Variants in PTPRJ observed in about 807,000 individuals in gnomAD.
PTPRJ encodes protein tyrosine phosphatase receptor type J.
In PTPRJ, 129 loss-of-function variants were observed where a neutral mutation model predicts 141.3. The ratio of observed to expected loss-of-function variants is 0.91; its 90% CI spans 0.79 to 1.06. PTPRJ has a LOEUF of 1.06. Ranked by LOEUF, PTPRJ falls within the 50% of genes least tolerant of loss-of-function variation. The pLI, the probability that PTPRJ is intolerant of heterozygous loss-of-function variation, is 0.00. For missense variants in PTPRJ, 1,601 were observed against 1,679.7 expected, an observed-to-expected ratio of 0.95 and a Z score of 0.82; for synonymous variants, 610 against 640.5, an observed-to-expected ratio of 0.95 and a Z score of 0.72.
intron 1 of PTPRJ, among the ~76,000 whole-genome samples, chr11:48,026,526 G>C (rs1853814878): frequency 6.6e-6 from 1 of 151,200 alleles, no homozygotes; most frequent in Non-Finnish European, 1.5e-5. Flanking sequence ...TTATTGCCCA[G>C]GCTGGAGTGC....
chr11:48,104,586 C>G (rs564096694), intron 1 of PTPRJ, among the ~76,000 whole-genome samples: 1 of 152,198 alleles, frequency 6.6e-6, no homozygotes, highest in African/African-American at 2.4e-5. Context: ...CTTAAAAGCC[C>G]AACGTGGATA....
At chr11:48,013,162 T>C (rs557061471) in intron 1 of PTPRJ, among the ~76,000 whole-genome samples, 2 of 149,402 alleles carry the variant, frequency 1.3e-5, no homozygotes, top group East Asian at 3.9e-4. Flanking sequence ...GGACTGAGGG[T>C]AACATGAGGG....
rs10599361 is a variant in PTPRJ, at chr11:48,126,775, A to AACACACAC, written c.1094-967_1094-960dup. On this transcript the variant is annotated intron_variant, in intron 6 of 24. Coordinates refer to ENST00000418331, the MANE Select transcript of PTPRJ (RefSeq NM_002843.4). Reference sequence around the variant, plus strand: ...GGGACAGAAACATTCAGTCTGTTGCAACACACACACACACACACACACACA... The same window carrying AACACACAC: ...GGGACAGAAACATTCAGTCTGTTGCAACACACACACACACACACACACACACACACACA... Among the ~76,000 whole-genome samples, 550 of 137,220 alleles carry AACACACAC rather than the reference A, an allele frequency of 4.0e-3. 4 individuals carry two copies. Among genetic ancestry groups the AACACACAC allele is most frequent in the African/African-American group, 0.013 (477 of 36,418 alleles). 90.0% of individuals were successfully genotyped at this position (137,220 alleles called of 152,430 possible).
At chr11:48,137,393 A>T in intron 10 of PTPRJ, 112 bp downstream of exon 10, 1 of 1,213,920 alleles carries the variant, frequency 8.2e-7, no homozygotes, top group Non-Finnish European at 1.1e-6. Context: ...GCAGTGATGG[A>T]CATTGAGCTT....
chr11:48,111,208 A>G (rs1215063722), intron 2 of PTPRJ, among the ~76,000 whole-genome samples: 3 of 142,288 alleles, frequency 2.1e-5, no homozygotes, highest in Non-Finnish European at 4.5e-5. Flanking sequence ...TGAGCCTGAG[A>G]GGTGGAGGCT....
At chr11:48,155,652 G>A in intron 19 of PTPRJ, 149 bp from the exon 20 acceptor site, 1 of 638,456 alleles carries the variant, frequency 1.6e-6, no homozygotes, top group Non-Finnish European at 2.7e-6. Context: ...GATTAAATGA[G>A]GTGGTCTATA....
chr11:47,980,594 G>T lies in PTPRJ; in HGVS notation c.-319G>T. 2 of 983,230 alleles carry T rather than the reference G, an allele frequency of 2.0e-6. No homozygotes were observed. Among genetic ancestry groups the T allele is most frequent in the Non-Finnish European group, 2.4e-6 (2 of 829,256 alleles). The allele number at this position is 983,230 out of a possible 1,614,324, so 60.9% of individuals were successfully genotyped here. A position where few individuals can be genotyped will look rare whatever the true frequency, so the allele number is the denominator to read the frequency against. On this transcript the variant is annotated 5_prime_UTR_variant, in exon 1 of 25. Coordinates refer to ENST00000418331, the MANE Select transcript of PTPRJ (RefSeq NM_002843.4). ...GCATGACGCGCGGAGGAGGCAGCGG[G>T]AGCAGCCGCGGGAGCCGGGACCGGG... is the stretch of plus-strand genomic sequence containing the variant.
At chr11:48,023,563 C>T (rs922277277) in intron 1 of PTPRJ, among the ~76,000 whole-genome samples, 2 of 152,056 alleles carry the variant, frequency 1.3e-5, no homozygotes, top group Non-Finnish European at 2.9e-5. Flanking sequence ...GCAGGCCAAT[C>T]GTGAGGTCAG....
In PTPRJ at chr11:47,992,538, T is replaced by G. The variant is rs143512173; in HGVS notation, c.96+11530T>G. ...AGGCGAATCAGTGGAGTCCTCCAGT[T>G]TGGTTCACACATAATTATTAGGTTG... On this transcript the variant is annotated intron_variant, in intron 1 of 24. Coordinates refer to ENST00000418331, the MANE Select transcript of PTPRJ (RefSeq NM_002843.4). Among the ~76,000 whole-genome samples, 259 of 152,330 alleles carry G rather than the reference T, an allele frequency of 1.7e-3. 1 individual carries two copies. The highest frequency in any genetic ancestry group is 2.7e-3 in the Non-Finnish European group (185 of 68,030).
chr11:48,014,028 C>T (rs1225416292), intron 1 of PTPRJ, among the ~76,000 whole-genome samples: 1 of 152,156 alleles, frequency 6.6e-6, no homozygotes, highest in Non-Finnish European at 1.5e-5. Context: ...TCTGAAGGAT[C>T]TGTTTGATTT....
At chr11:48,028,972 A>G (rs1162517693) in intron 1 of PTPRJ, among the ~76,000 whole-genome samples, 1 of 152,176 alleles carries the variant, frequency 6.6e-6, no homozygotes, top group Non-Finnish European at 1.5e-5. Context: ...TCTGAAGTAA[A>G]TTGTCACTGT....
At chr11:48,053,265 TTATATAAA>T (rs1346649725) in intron 1 of PTPRJ, among the ~76,000 whole-genome samples, 134 of 76,986 alleles carry the variant, frequency 1.7e-3, no homozygotes, top group Middle Eastern at 0.015. Flanking sequence ...ATATAATATA[TTATATAAA>T]TATATAAATA....
At chr11:48,053,396 A>G (rs1854651751) in intron 1 of PTPRJ, among the ~76,000 whole-genome samples, 1 of 107,512 alleles carries the variant, frequency 9.3e-6, no homozygotes, top group South Asian at 2.3e-4. Context: ...ATAAAAATAT[A>G]TGATATATAA....
intron 24 of PTPRJ, among the ~76,000 whole-genome samples, chr11:48,165,868 T>G (rs1204427908): frequency 6.6e-6 from 1 of 151,714 alleles, no homozygotes; most frequent in East Asian, 1.9e-4. Flanking sequence ...CTCTCCTCTT[T>G]TTTTTTTTTT....
chr11:48,119,018 CAAAAAAAAAAAAAA>C (rs59349969), intron 3 of PTPRJ, among the ~76,000 whole-genome samples: 1 of 87,084 alleles, frequency 1.1e-5, no homozygotes, highest in Non-Finnish European at 2.0e-5. Context: ...GACTTCGTCT[CAAAAAAAAAAAAAA>C]AAAAAAAAGA....
intron 1 of PTPRJ, among the ~76,000 whole-genome samples, chr11:48,019,852 A>G (rs1404382029): frequency 2.0e-5 from 3 of 152,202 alleles, no homozygotes; most frequent in Non-Finnish European, 4.4e-5. Flanking sequence ...GAGGAACCAT[A>G]AATTTGGCAG....
intron 1 of PTPRJ, among the ~76,000 whole-genome samples, chr11:47,989,658 T>C (rs1854140754): frequency 1.3e-5 from 2 of 152,128 alleles, no homozygotes; most frequent in African/African-American, 4.8e-5. Context: ...ATAGATATAA[T>C]CTTTGTTATC....
At position 48,159,973 on chromosome 11, in the gene PTPRJ, A is replaced by G. The variant is rs376163398; in HGVS notation, c.3482A>G (p.Tyr1161Cys). 5.0e-6 allele frequency: 8 copies of G among 1,613,858 alleles called. No homozygotes were observed. The East Asian group carries it at 6.7e-5, about 13-fold the overall frequency. ...EYWPSKQAQD[Y>C]GDITVAMTSE... ...TGGCCCTCCAAGCAGGCTCAGGACT[A>G]TGGAGACATAACTGTGGCAATGACA... The change falls in exon 22 of 25, where the codon TAT becomes TGT. Residue 1161 changes from tyrosine (Y) to cysteine (C), a missense_variant. By Grantham distance (194) the Tyr-to-Cys change is radical (BLOSUM62 -2). Transcript: ENST00000418331.
chr11:48,142,436 C>G (rs1451209695), intron 11 of PTPRJ, among the ~76,000 whole-genome samples: 1 of 152,070 alleles, frequency 6.6e-6, no homozygotes, highest in Non-Finnish European at 1.5e-5. Flanking sequence ...TGAGTAGTGT[C>G]AAGTCTTCCA....
Sources: allele counts gnomAD v4.1 joint callset (sites outside exome capture counted in the v4.1 genomes callset), GRCh38; gene constraint gnomAD v4.1.1; transcripts MANE v1.5; gene names NCBI Gene and HGNC (gene_info 2026-07-23, HGNC 2026-07-21).